MAN2B2: variants seen among roughly 807,000 people sequenced by gnomAD.
MAN2B2 encodes mannosidase alpha class 2B member 2.
Under a neutral mutation model 117.1 loss-of-function variants are expected in MAN2B2, and 106 were observed. That is an observed-to-expected ratio of 0.90 (90% CI 0.77 to 1.06). The LOEUF is 1.06. MAN2B2 is among the 50% of genes least tolerant of loss of function. The probability of loss-of-function intolerance (pLI) is 0.00; values close to 1 mark genes in which losing one functional copy is unlikely to be tolerated. For missense variants in MAN2B2, 1,326 were observed against 1,381.4 expected (o/e 0.96, Z 0.64); for synonymous variants, 544 against 595.1 (o/e 0.91, Z 1.25).
intron 10 of MAN2B2, among the ~76,000 whole-genome samples, chr4:6,603,534 A>C (rs147042822): frequency 2.3e-4 from 35 of 152,172 alleles, no homozygotes; most frequent in African/African-American, 6.5e-4. Context: ...GCAGACCCCC[A>C]CACACACCCC....
intron 3 of MAN2B2, among the ~76,000 whole-genome samples, chr4:6,580,747 G>A (rs1280000628): frequency 6.6e-6 from 1 of 152,188 alleles, no homozygotes; most frequent in Non-Finnish European, 1.5e-5. Context: ...CCAGACCACT[G>A]CTTACTGGGC....
intron 1 of MAN2B2, 54 bp from the exon 2 acceptor site, chr4:6,576,524 A>G: frequency 1.3e-6 from 2 of 1,589,556 alleles, no homozygotes; most frequent in Non-Finnish European, 1.7e-6. Flanking sequence ...CAGGGGCCCC[A>G]GGGACACTTG....
intron 7 of MAN2B2, among the ~76,000 whole-genome samples, chr4:6,596,780 T>C (rs1480885199): frequency 6.6e-6 from 1 of 152,172 alleles, no homozygotes; most frequent in Non-Finnish European, 1.5e-5. Context: ...GGCCCTTTGC[T>C]CACACAGCTG....
chr4:6,615,389 C>T (rs971046833), intron 16 of MAN2B2, among the ~76,000 whole-genome samples: 4 of 152,108 alleles, frequency 2.6e-5, no homozygotes, highest in African/African-American at 9.7e-5. Flanking sequence ...AACTCCTCAC[C>T]ACCACACCAG....
At chr4:6,583,449 A>G (rs1483257000) in intron 3 of MAN2B2, among the ~76,000 whole-genome samples, 1 of 152,228 alleles carries the variant, frequency 6.6e-6, no homozygotes, top group East Asian at 1.9e-4. Context: ...AGAAGGACAG[A>G]ATGTATATCG....
At chr4:6,584,725 T>G (rs1726567276) in intron 3 of MAN2B2, among the ~76,000 whole-genome samples, 1 of 152,206 alleles carries the variant, frequency 6.6e-6, no homozygotes, top group Non-Finnish European at 1.5e-5. Flanking sequence ...CGGCTCAGCC[T>G]GATGGCCTCC....
At chr4:6,601,725 A>G (rs1408352803) in intron 10 of MAN2B2, among the ~76,000 whole-genome samples, 2 of 152,232 alleles carry the variant, frequency 1.3e-5, no homozygotes, top group South Asian at 2.1e-4. Context: ...AGACACTCCT[A>G]TCACTCAGGA....
chr4:6,617,354 C>G, intron 16 of MAN2B2, 26 bp from the exon 17 acceptor site: 1 of 1,600,182 alleles, frequency 6.2e-7, no homozygotes, highest in Non-Finnish European at 8.6e-7. Flanking sequence ...AGGGTCTTCA[C>G]TGCCACCTTC....
rs754524549 is a variant in MAN2B2 at position 6,620,042 on chromosome 4, G to A, written c.2930G>A (p.Arg977Lys). ...WSWRTGPGRHRGDTTSPSRPP... is the reference protein window; with the variant it reads ...WSWRTGPGRHKGDTTSPSRPP... ...TGGAGGACGGGGCCTGGCCGCCACA[G>A]AGGTTTGGGGACCCCCGCTTCAGCT... is the stretch of plus-strand genomic sequence containing the variant. Residue 977 changes from arginine to lysine, a missense_variant and splice_region_variant, in exon 18 of 19, where the codon AGA (arginine) becomes AAA (lysine). Arg to Lys is a conservative substitution (Grantham distance 26). Coordinates refer to ENST00000285599, the MANE Select transcript of MAN2B2 (RefSeq NM_015274.3). The A allele has an allele frequency of 2.2e-5, 36 of 1,609,428 alleles. No homozygotes were observed. Among genetic ancestry groups the A allele is most frequent in the South Asian group, 1.7e-4 (15 of 90,508 alleles).
chr4:6,581,108 G>A (rs189400141), intron 3 of MAN2B2, among the ~76,000 whole-genome samples: 28 of 152,188 alleles, frequency 1.8e-4, no homozygotes, highest in African/African-American at 6.3e-4. Flanking sequence ...AGGGCAATCT[G>A]GTAGATGGGT....
intron 15 of MAN2B2, among the ~76,000 whole-genome samples, chr4:6,612,235 C>A (rs954219829): frequency 3.9e-5 from 6 of 152,200 alleles, no homozygotes; most frequent in Admixed American, 1.3e-4. Context: ...ACTGGAGATG[C>A]AGAAGAGCAG....
intron 6 of MAN2B2, 125 bp from the exon 7 acceptor site, chr4:6,594,409 T>G (rs972682724): frequency 1.1e-6 from 1 of 884,280 alleles, no homozygotes; most frequent in Non-Finnish European, 1.8e-6. Context: ...GGGAGCTGGT[T>G]TGGGGCCCCT....
At chr4:6,620,174 C>G in intron 18 of MAN2B2, 130 bp downstream of exon 18, 5 of 720,612 alleles carry the variant, frequency 6.9e-6, no homozygotes, top group Non-Finnish European at 1.1e-5. Flanking sequence ...CTTTCCTACT[C>G]TGAACCCGCA....
chr4:6,616,960 G>A (rs1353649593), intron 16 of MAN2B2, among the ~76,000 whole-genome samples: 2 of 152,120 alleles, frequency 1.3e-5, no homozygotes, highest in African/African-American at 4.8e-5. Flanking sequence ...GGTAGTTTAT[G>A]AAGAAAAAAG....
intron 11 of MAN2B2, 121 bp from the exon 12 acceptor site, chr4:6,608,986 A>G (rs1374785793): frequency 4.8e-6 from 4 of 835,998 alleles, no homozygotes; most frequent in Admixed American, 2.8e-5. Context: ...GCTGAGTCAC[A>G]TGGCCTCGTG....
chr4:6,585,980 T>G (rs929863151), intron 3 of MAN2B2, among the ~76,000 whole-genome samples: 7 of 152,106 alleles, frequency 4.6e-5, no homozygotes, highest in Non-Finnish European at 8.8e-5. Context: ...AGTCACTGAG[T>G]CTGGCCACCC....
chr4:6,600,824 T>C (rs1055259166), intron 10 of MAN2B2, 68 bp downstream of exon 10: 1 of 1,579,160 alleles, frequency 6.3e-7, no homozygotes, highest in Non-Finnish European at 8.6e-7. Context: ...CCGGGCACAT[T>C]GTCTCTTCTG....
At position 6,594,621 on chromosome 4, in the gene MAN2B2, C is replaced by G; in HGVS notation, c.946C>G (p.Leu316Val). The change falls in exon 7 of 19, where the codon CTC becomes GTC. Residue 316 changes from leucine (L) to valine (V), a missense_variant. Transcript: ENST00000285599. Reference protein sequence around the residue: ...LDHINSHAAELGVSVQYATLG... With the variant: ...LDHINSHAAEVGVSVQYATLG... ...CCACATCAACAGCCATGCTGCCGAG[C>G]TCGGTGTCTCGGTGCAGTATGCCAC... 6.2e-7 allele frequency: 1 copy of G among 1,613,634 alleles called. No homozygotes were observed. Among genetic ancestry groups the G allele is most frequent in the Non-Finnish European group, 8.5e-7 (1 of 1,179,942 alleles).
intron 7 of MAN2B2, 112 bp downstream of exon 7, chr4:6,594,844 G>A: frequency 2.6e-6 from 3 of 1,158,944 alleles, no homozygotes; most frequent in South Asian, 1.4e-5. Context: ...CCCTGGAGGG[G>A]TTCCAGGCAG....
Sources: allele counts gnomAD v4.1 joint callset (sites outside exome capture counted in the v4.1 genomes callset), GRCh38; gene constraint gnomAD v4.1.1; transcripts MANE v1.5; gene names NCBI Gene and HGNC (gene_info 2026-07-23, HGNC 2026-07-21).